Variants in PREX1 observed in about 807,000 individuals in gnomAD.
The protein encoded by PREX1 is phosphatidylinositol 3,4,5-trisphosphate-dependent Rac exchanger 1 protein.
PREX1 carries 41 observed loss-of-function variants against 198.3 expected under a neutral mutation model. That is an observed-to-expected ratio of 0.21 (90% confidence interval 0.16 to 0.27). The LOEUF is 0.27. PREX1 is among the 10% of genes least tolerant of loss of function. PREX1 has a pLI of 1.00. For missense variants in PREX1, 1,620 were observed against 2,200.7 expected (o/e 0.74, Z 5.28); for synonymous variants, 843 against 887.2 (o/e 0.95, Z 0.89).
chr20:48,787,590 C>T (rs568042828), intron 1 of PREX1, among the ~76,000 whole-genome samples: 4 of 150,500 alleles, frequency 2.7e-5, no homozygotes, highest in Admixed American at 6.6e-5. Flanking sequence ...CGAAAACCCT[C>T]GTCTTCCCCC....
chr20:48,668,320 C>T (rs892130889), intron 14 of PREX1, among the ~76,000 whole-genome samples: 4 of 152,188 alleles, frequency 2.6e-5, no homozygotes, highest in African/African-American at 9.7e-5. Flanking sequence ...GGGCCAGGAG[C>T]CGGCACTGCT....
At chr20:48,673,269 T>G (rs1466271403) in intron 14 of PREX1, among the ~76,000 whole-genome samples, 1 of 152,136 alleles carries the variant, frequency 6.6e-6, no homozygotes, top group African/African-American at 2.4e-5. Context: ...CATCTTCCCA[T>G]CTCCACAAAT....
intron 7 of PREX1, among the ~76,000 whole-genome samples, chr20:48,695,080 G>A (rs551646383): frequency 7.2e-5 from 11 of 152,254 alleles, no homozygotes; most frequent in African/African-American, 2.6e-4. Context: ...GCATTAATAT[G>A]GCTCAATTAA....
intron 1 of PREX1, among the ~76,000 whole-genome samples, chr20:48,793,483 T>C (rs6019421): frequency 0.18 from 27,820 of 152,230 alleles, 2,736 homozygotes; most frequent in Middle Eastern, 0.3. Context: ...TTCTTGTTAT[T>C]CCCATTTTAC....
upstream of PREX1, among the ~76,000 whole-genome samples, chr20:48,830,562 C>G (rs2090535057): frequency 2.0e-5 from 3 of 152,292 alleles, no homozygotes; most frequent in South Asian, 2.1e-4. Context: ...ACATTTCACC[C>G]AAGAATTGGC....
At chr20:48,816,207 G>A (rs1434695070) in intron 1 of PREX1, among the ~76,000 whole-genome samples, 1 of 152,112 alleles carries the variant, frequency 6.6e-6, no homozygotes, top group Admixed American at 6.5e-5. Context: ...TTCACTCTGG[G>A]CAGGGCCAGA....
At chr20:48,714,699 C>A (rs1253701048) in intron 5 of PREX1, among the ~76,000 whole-genome samples, 1 of 152,212 alleles carries the variant, frequency 6.6e-6, no homozygotes, top group Non-Finnish European at 1.5e-5. Flanking sequence ...AGCAGTTGGG[C>A]AATTCCCTTG....
At chr20:48,746,066 T>C (rs1257945950) in intron 2 of PREX1, among the ~76,000 whole-genome samples, 1 of 152,126 alleles carries the variant, frequency 6.6e-6, no homozygotes, top group African/African-American at 2.4e-5. Flanking sequence ...CAGGCTGGAG[T>C]GTGAAGTACA....
chr20:48,793,966 G>A (rs1445866465), intron 1 of PREX1, among the ~76,000 whole-genome samples: 1 of 152,176 alleles, frequency 6.6e-6, no homozygotes, highest in Non-Finnish European at 1.5e-5. Flanking sequence ...CTCCTCCCAA[G>A]TGTCTGGCCA....
chr20:48,709,951 T>C (rs984387902), intron 5 of PREX1, among the ~76,000 whole-genome samples: 3 of 152,218 alleles, frequency 2.0e-5, no homozygotes, highest in Non-Finnish European at 4.4e-5. Context: ...GGTCCTAAGA[T>C]TCCCAAGGCC....
intron 1 of PREX1, among the ~76,000 whole-genome samples, chr20:48,775,698 A>G (rs917811443): frequency 1.3e-5 from 2 of 152,140 alleles, no homozygotes; most frequent in African/African-American, 4.8e-5. Flanking sequence ...ATAAGTCTCA[A>G]GAGATCAGAT....
chr20:48,666,653 G>A lies in PREX1; in HGVS notation c.1666-298C>T, dbSNP rs916107280. On this transcript the variant is annotated intron_variant, in intron 14 of 39. Coordinates refer to ENST00000371941, the MANE Select transcript of PREX1 (RefSeq NM_020820.4). This position sits in a 1 kb window ranked among gnomAD's most constrained non-coding sequence, Gnocchi z 4.3. Reference sequence around the variant, plus strand: ...CCATTCTCCTGCCTCAGCCTCCCGAGTAGCTGGGACTACAGGCACCTGCCA... The same window carrying A: ...CCATTCTCCTGCCTCAGCCTCCCGAATAGCTGGGACTACAGGCACCTGCCA... Among the ~76,000 whole-genome samples, 1 of 152,160 alleles carries A rather than the reference G, an allele frequency of 6.6e-6. No homozygotes were observed. Among genetic ancestry groups the A allele is most frequent in the Admixed American group, 6.5e-5 (1 of 15,274 alleles).
At chr20:48,785,464 T>G (rs532186216) in intron 1 of PREX1, among the ~76,000 whole-genome samples, 6 of 152,350 alleles carry the variant, frequency 3.9e-5, no homozygotes, top group Admixed American at 2.6e-4. Flanking sequence ...CTCAAGAAAC[T>G]GGCTTTGGGT....
At chr20:48,825,722 T>TC (rs1369891463) in intron 1 of PREX1, among the ~76,000 whole-genome samples, 1 of 151,854 alleles carries the variant, frequency 6.6e-6, no homozygotes, top group Non-Finnish European at 1.5e-5. Flanking sequence ...CTGTTTCTCT[T>TC]CCAAGCAGAG....
Position 48,645,985 on chromosome 20 carries a change from G to C in PREX1, c.3378C>G (p.Ser1126=). The part of the protein sequence containing the change: ...CDASLAEEAS[S]LPLVSEESEM... ...CGCTCTCTTCACTGACCAGGGGCAGGGAGGAGGCCTCCTCAGCCAAGGATG... is the reference window on the plus strand; with the variant it reads ...CGCTCTCTTCACTGACCAGGGGCAGCGAGGAGGCCTCCTCAGCCAAGGATG... Residue 1126 remains serine, a synonymous_variant, in exon 26 of 40, where the codon TCC becomes TCG. Coordinates refer to ENST00000371941, the MANE Select transcript of PREX1 (RefSeq NM_020820.4). The C allele has an allele frequency of 6.2e-7, 1 of 1,614,202 alleles. No homozygotes were observed. The highest frequency in any genetic ancestry group is 8.5e-7 in the Non-Finnish European group (1 of 1,180,026).
chr20:48,732,495 G>C (rs1338505092), intron 4 of PREX1, among the ~76,000 whole-genome samples: 1 of 152,196 alleles, frequency 6.6e-6, no homozygotes, highest in Non-Finnish European at 1.5e-5. Flanking sequence ...AAAACAAACA[G>C]TATGGGGGTG....
chr20:48,827,046 G>A lies in PREX1; in HGVS notation c.219+596C>T, dbSNP rs1259214065. On this transcript the variant is annotated intron_variant, in intron 1 of 39. Coordinates refer to ENST00000371941, the MANE Select transcript of PREX1 (RefSeq NM_020820.4). This position sits in a 1 kb window ranked among gnomAD's most constrained non-coding sequence, Gnocchi z 4.1. ...TGGAGATGGGGAGTTGGTGGGGGTG[G>A]ATGCAGTTAGGGAGCCTGGACTGCC... 6.6e-6 allele frequency among the ~76,000 whole-genome samples: 1 copy of A among 152,108 alleles called. No individual in the cohort carries two copies. The highest frequency in any genetic ancestry group is 2.4e-5 in the African/African-American group (1 of 41,420).
chr20:48,883,478 G>C, the PREX1 span, among the ~76,000 whole-genome samples: 1 of 152,146 alleles, frequency 6.6e-6, no homozygotes, highest in East Asian at 1.9e-4. Context: ...CAGATGTCTT[G>C]ATCCTGTATA....
intron 13 of PREX1, among the ~76,000 whole-genome samples, chr20:48,678,664 G>T (rs2089726207): frequency 6.6e-6 from 1 of 152,164 alleles, no homozygotes; most frequent in African/African-American, 2.4e-5. Flanking sequence ...AGTCTCACAA[G>T]ATCTGATGGT....
Sources: gnomAD v4.1 joint callset for allele counts (sites outside exome capture counted in the v4.1 genomes callset) on GRCh38, gnomAD v4.1.1 for gene constraint, Gnocchi (gnomAD v3.1) non-coding constraint, MANE v1.5 for transcripts, NCBI Gene and HGNC (gene_info 2026-07-23, HGNC 2026-07-21) for gene names.